PPP2R5E: variants seen among roughly 807,000 people sequenced by gnomAD.
PPP2R5E encodes protein phosphatase 2 regulatory subunit B'epsilon.
PPP2R5E carries 4 observed loss-of-function variants against 65.3 expected under a neutral mutation model. That is an observed-to-expected ratio of 0.06 (90% CI 0.03 to 0.14). The LOEUF (loss-of-function observed/expected upper bound fraction) is 0.14. Ranked by LOEUF, PPP2R5E falls within the 10% of genes least tolerant of loss-of-function variation. The pLI is 1.00. For synonymous variants in PPP2R5E, 183 were observed against 187.4 expected (o/e 0.98, Z 0.19); for missense variants, 274 against 556.1 (o/e 0.49, Z 5.10).
At chr14:63,378,966 C>A (rs558657881) in intron 13 of PPP2R5E, among the ~76,000 whole-genome samples, 1 of 152,308 alleles carries the variant, frequency 6.6e-6, no homozygotes, top group East Asian at 1.9e-4. Flanking sequence ...ATGTTTCCAT[C>A]TGTCAGTACA....
chr14:63,455,376 A>G lies in PPP2R5E; in HGVS notation c.158-1491T>C, dbSNP rs186174907. 1.5e-3 allele frequency among the ~76,000 whole-genome samples: 223 copies of G among 152,324 alleles called. 1 individual carries two copies. The Middle Eastern group carries it at 0.02, about 14-fold the overall frequency. ...TAAATACATAGGCTTTCTCTACCAG[A>G]CATTAGAGAACAAGAAGCAGTCCAT... is the stretch of plus-strand genomic sequence containing the variant. On this transcript the variant is annotated intron_variant, in intron 2 of 13. Transcript: ENST00000337537.
chr14:63,431,548 A>G lies in PPP2R5E; in HGVS notation c.355-9454T>C, dbSNP rs1287940045. 6.0e-5 allele frequency among the ~76,000 whole-genome samples: 9 copies of G among 150,612 alleles called. No homozygotes were observed. The South Asian group carries it at 1.9e-3, about 32-fold the overall frequency. ...CACAAATGTAGATCTCAGTTGCATG[A>G]TAAGAACTATCTGAAATACTGTAAC... is the stretch of plus-strand genomic sequence containing the variant. On this transcript the variant is annotated intron_variant, in intron 3 of 13. Transcript: ENST00000337537.
At chr14:63,444,212 T>G (rs1298784867) in intron 3 of PPP2R5E, among the ~76,000 whole-genome samples, 1 of 152,244 alleles carries the variant, frequency 6.6e-6, no homozygotes, top group Non-Finnish European at 1.5e-5. Flanking sequence ...TGTGTTTCCC[T>G]GTATATAACA....
intron 3 of PPP2R5E, among the ~76,000 whole-genome samples, chr14:63,427,318 A>G (rs1368146024): frequency 6.6e-6 from 1 of 152,208 alleles, no homozygotes; most frequent in African/African-American, 2.4e-5. Flanking sequence ...ACTATCAAAA[A>G]TGAACAAAAG....
chr14:63,539,691 T>C lies in PPP2R5E; in HGVS notation c.-6A>G. The stretch of plus-strand genomic sequence containing the variant: ...GTAGTTGGTGCTGAGGACATATCCC[T>C]ACTGAAGAGAAAGAAGTATCATAAA... On this transcript the variant is annotated splice_region_variant and 5_prime_UTR_variant, in exon 2 of 14. Transcript: ENST00000337537. The C allele has an allele frequency of 6.2e-7, 1 of 1,612,176 alleles. No individual in the cohort carries two copies. Among genetic ancestry groups the C allele is most frequent in the South Asian group, 1.1e-5 (1 of 90,866 alleles).
chr14:63,510,636 G>A lies in PPP2R5E; in HGVS notation c.157+28893C>T, dbSNP rs534724726. ...GAAAACCACAAATGCAAAGCCCTACGGCCTGTTAGTGTGTTTGAGAAACAG... is the reference window on the plus strand; with the variant it reads ...GAAAACCACAAATGCAAAGCCCTACAGCCTGTTAGTGTGTTTGAGAAACAG... On this transcript the variant is annotated intron_variant, in intron 2 of 13. Coordinates refer to ENST00000337537, the MANE Select transcript of PPP2R5E (RefSeq NM_006246.5). Among the ~76,000 whole-genome samples, 4 of 152,326 alleles carry A rather than the reference G, an allele frequency of 2.6e-5. No homozygotes were observed. In the South Asian group the frequency reaches 6.2e-4, roughly 24 times the overall value.
At chr14:63,397,502 TAAAAAAAAAAAAAAAA>T (rs1163450765) in intron 5 of PPP2R5E, among the ~76,000 whole-genome samples, 2 of 62,294 alleles carry the variant, frequency 3.2e-5, no homozygotes, top group Admixed American at 2.1e-4. Flanking sequence ...ATTCGGTCTT[TAAAAAAAAAAAAAAAA>T]AAAAAAAAAA....
chr14:63,453,909 G>A (rs771759698), intron 2 of PPP2R5E, 24 bp from the exon 3 acceptor site: 13 of 1,420,418 alleles, frequency 9.2e-6, no homozygotes, highest in Admixed American at 5.3e-5. Flanking sequence ...AGGAAATGGT[G>A]TAAGTCTGTC....
chr14:63,462,144 C>A (rs2139513749), intron 2 of PPP2R5E, among the ~76,000 whole-genome samples: 1 of 151,792 alleles, frequency 6.6e-6, no homozygotes, highest in South Asian at 2.1e-4. Context: ...AATCTCGGCT[C>A]ACTGCAAGCT....
At chr14:63,485,130 A>T (rs1010608159) in intron 2 of PPP2R5E, among the ~76,000 whole-genome samples, 4 of 151,914 alleles carry the variant, frequency 2.6e-5, no homozygotes, top group African/African-American at 7.3e-5. Flanking sequence ...AAGAAACATC[A>T]ATTTCTTTTA....
intron 4 of PPP2R5E, among the ~76,000 whole-genome samples, chr14:63,416,680 CATT>C (rs1886704784): frequency 6.8e-6 from 1 of 147,022 alleles, no homozygotes; most frequent in Non-Finnish European, 1.5e-5. Flanking sequence ...AAACAAGGTG[CATT>C]ATATGTTAAC....
At chr14:63,519,747 C>T (rs1892816672) in intron 2 of PPP2R5E, among the ~76,000 whole-genome samples, 1 of 151,230 alleles carries the variant, frequency 6.6e-6, no homozygotes, top group African/African-American at 2.4e-5. Flanking sequence ...CTGCAACTTC[C>T]GCTTCCTGGA....
intron 2 of PPP2R5E, among the ~76,000 whole-genome samples, chr14:63,522,830 A>C (rs1892997409): frequency 6.7e-6 from 1 of 148,564 alleles, no homozygotes; most frequent in African/African-American, 2.5e-5. Context: ...ACCCACCGCC[A>C]GGCCAGCCGC....
intron 2 of PPP2R5E, among the ~76,000 whole-genome samples, chr14:63,492,439 C>G (rs1488873028): frequency 6.6e-6 from 1 of 152,046 alleles, no homozygotes; most frequent in African/African-American, 2.4e-5. Context: ...AAGGCTTCTA[C>G]TAAACAAGCA....
At chr14:63,481,106 C>A (rs758100763) in intron 2 of PPP2R5E, among the ~76,000 whole-genome samples, 7 of 152,150 alleles carry the variant, frequency 4.6e-5, no homozygotes, top group Non-Finnish European at 8.8e-5. Flanking sequence ...GTTCAAGGGA[C>A]TGAGTGATGC....
At chr14:63,483,297 T>C (rs771337085) in intron 2 of PPP2R5E, among the ~76,000 whole-genome samples, 16 of 151,966 alleles carry the variant, frequency 1.1e-4, no homozygotes, top group Non-Finnish European at 2.2e-4. Flanking sequence ...AGAAGATAGA[T>C]ATTTGCCTAA....
intron 3 of PPP2R5E, among the ~76,000 whole-genome samples, chr14:63,445,593 C>T (rs1043891982): frequency 6.6e-6 from 1 of 152,068 alleles, no homozygotes; most frequent in African/African-American, 2.4e-5. Context: ...GCCTGTAATC[C>T]CAGCACTTTG....
At chr14:63,384,654 AT>A in intron 11 of PPP2R5E, 83 bp from the exon 12 acceptor site, 1 of 1,168,906 alleles carries the variant, frequency 8.6e-7, no homozygotes, top group Non-Finnish European at 1.2e-6. Context: ...AAACAAAAGT[AT>A]TTCAAAAGGC....
At chr14:63,483,866 C>T (rs1284437824) in intron 2 of PPP2R5E, among the ~76,000 whole-genome samples, 2 of 152,088 alleles carry the variant, frequency 1.3e-5, no homozygotes, top group Non-Finnish European at 2.9e-5. Flanking sequence ...GGGTGGATCA[C>T]GAGGTCAGGA....
Sources: allele counts gnomAD v4.1 joint callset (sites outside exome capture counted in the v4.1 genomes callset), GRCh38; gene constraint gnomAD v4.1.1; transcripts MANE v1.5; gene names NCBI Gene and HGNC (gene_info 2026-07-23, HGNC 2026-07-21).